Variants in GNPAT observed in about 807,000 individuals in gnomAD.
The protein encoded by GNPAT is glyceronephosphate O-acyltransferase, also known as dihydroxyacetone phosphate acyltransferase.
GNPAT carries 30 observed loss-of-function variants against 78.4 expected under a neutral mutation model. That is an observed-to-expected ratio of 0.38 (90% confidence interval 0.29 to 0.52). The LOEUF is 0.52. GNPAT is among the 20% of genes least tolerant of loss of function. GNPAT has a pLI of 0.84. For synonymous variants in GNPAT, 271 were observed against 281.1 expected (o/e 0.96, Z 0.36); for missense variants, 714 against 812.2 (o/e 0.88, Z 1.47).
Position 231,270,842 on chromosome 1 carries a change from T to C in GNPAT, c.1364T>C (p.Leu455Pro), listed in dbSNP as rs1685542633. 1 of 1,614,176 alleles carries C rather than the reference T, an allele frequency of 6.2e-7. No homozygotes were observed. The highest frequency in any genetic ancestry group is 8.5e-7 in the Non-Finnish European group (1 of 1,179,994). Residue 455 changes from leucine (L) to proline (P), a missense_variant, in exon 10 of 16, where the codon CTG becomes CCG. Leu to Pro is a moderately conservative substitution (Grantham distance 98). Coordinates refer to ENST00000366647, the MANE Select transcript of GNPAT (RefSeq NM_014236.4). ...AGCCTTGTCAAAGACCAGGTGATTC[T>C]GAAAGTGGACTCCGGAGACTCGGAA... The part of the protein sequence containing the change: ...IASLVKDQVI[L>P]KVDSGDSEVV...
intron 9 of GNPAT, among the ~76,000 whole-genome samples, chr1:231,268,960 A>T (rs1043190115): frequency 4.0e-5 from 6 of 151,566 alleles, no homozygotes; most frequent in African/African-American, 1.5e-4. Context: ...TTTTTTAAAG[A>T]CCAGATAATT....
intron 12 of GNPAT, among the ~76,000 whole-genome samples, chr1:231,274,271 C>T (rs779251435): frequency 6.6e-6 from 1 of 152,178 alleles, no homozygotes; most frequent in Non-Finnish European, 1.5e-5. Flanking sequence ...TCATTACAGA[C>T]CCAAGAGGAC....
chr1:231,257,120 CA>C (rs1685088721), intron 2 of GNPAT, among the ~76,000 whole-genome samples: 1 of 152,294 alleles, frequency 6.6e-6, no homozygotes, highest in African/African-American at 2.4e-5. Context: ...TGCTCTGCTG[CA>C]GTCACGGAGA....
At chr1:231,268,433 G>A (rs1685453689) in intron 9 of GNPAT, among the ~76,000 whole-genome samples, 1 of 152,108 alleles carries the variant, frequency 6.6e-6, no homozygotes, top group African/African-American at 2.4e-5. Context: ...TGAATATCTT[G>A]AGGACTAGAA....
chr1:231,246,530 T>G (rs1402477465), intron 1 of GNPAT, among the ~76,000 whole-genome samples: 2 of 152,186 alleles, frequency 1.3e-5, no homozygotes, highest in Admixed American at 6.5e-5. Context: ...TCACTAGCAG[T>G]AGGGAGAGGC....
chr1:231,272,797 C>G (rs564989343), intron 11 of GNPAT, among the ~76,000 whole-genome samples: 1 of 152,126 alleles, frequency 6.6e-6, no homozygotes, highest in African/African-American at 2.4e-5. Flanking sequence ...GGTGAAACCC[C>G]GTCTGTACTA....
chr1:231,249,143 A>G (rs1313687245), intron 1 of GNPAT, among the ~76,000 whole-genome samples: 3 of 152,218 alleles, frequency 2.0e-5, no homozygotes, highest in East Asian at 3.8e-4. Flanking sequence ...GCTGCAGTCT[A>G]TAGAGCGCAA....
At chr1:231,273,184 G>C (rs2102825875) in intron 11 of GNPAT, among the ~76,000 whole-genome samples, 1 of 152,056 alleles carries the variant, frequency 6.6e-6, no homozygotes, top group South Asian at 2.1e-4. Context: ...GGCATGTTAG[G>C]TGTTTGTGTG....
chr1:231,242,111 C>T (rs778075709), intron 1 of GNPAT, among the ~76,000 whole-genome samples: 11 of 151,996 alleles, frequency 7.2e-5, no homozygotes, highest in Non-Finnish European at 1.3e-4. Context: ...TTTAACGGGT[C>T]TTTTTGGCTG....
rs1684591319 is a variant in GNPAT at position 231,241,280 on chromosome 1, C to T, written c.-99C>T. 2 of 1,396,596 alleles carry T rather than the reference C, an allele frequency of 1.4e-6. No homozygotes were observed. Among genetic ancestry groups the T allele is most frequent in the East Asian group, 2.3e-5 (1 of 43,802 alleles). The allele number at this position is 1,396,596 out of a possible 1,614,324, so 86.5% of individuals were successfully genotyped here. ...CTGCAGAGGGTGCCGCCGCCCTAGGCGAAGTAGGGCCGTCCTGAGCGAAAG... is the reference window on the plus strand; with the variant it reads ...CTGCAGAGGGTGCCGCCGCCCTAGGTGAAGTAGGGCCGTCCTGAGCGAAAG... On this transcript the variant is annotated 5_prime_UTR_variant, in exon 1 of 16. It introduces an in-frame stop codon into an upstream open reading frame of the 5' UTR. Transcript: ENST00000366647.
chr1:231,271,087 G>A lies in GNPAT; in HGVS notation c.1522+87G>A, dbSNP rs1476823879. 1.0e-5 allele frequency: 15 copies of A among 1,441,316 alleles called. No individual in the cohort carries two copies. In the East Asian group the frequency reaches 3.4e-4, roughly 33 times the overall value. The allele number at this position is 1,441,316 out of a possible 1,614,324, so 89.3% of individuals were successfully genotyped here. ...GGAGCCACATTTGAAGCCTTGTAAT[G>A]TTCAGCCTCACGCCGGTGAAGAGCA... On this transcript the variant is annotated intron_variant, in intron 10 of 15. Transcript: ENST00000366647.
At chr1:231,268,863 G>A (rs571401545) in intron 9 of GNPAT, among the ~76,000 whole-genome samples, 299 of 149,198 alleles carry the variant, frequency 2.0e-3, no homozygotes, top group Non-Finnish European at 3.6e-3. Flanking sequence ...CCAAGATTGC[G>A]CCACTGCACT....
intron 2 of GNPAT, among the ~76,000 whole-genome samples, chr1:231,254,445 A>AT (rs111365526): frequency 6.9e-4 from 101 of 145,636 alleles, no homozygotes; most frequent in South Asian, 1.1e-3. Context: ...ACAGTGAAAA[A>AT]TTTTTTTTTT....
intron 2 of GNPAT, among the ~76,000 whole-genome samples, chr1:231,257,751 G>C (rs1342451173): frequency 6.6e-6 from 1 of 152,016 alleles, no homozygotes; most frequent in Non-Finnish European, 1.5e-5. Context: ...TAGATTATTG[G>C]GGTTCAGACT....
At chr1:231,260,711 GAAAT>G (rs770939353) in intron 3 of GNPAT, 28 bp downstream of exon 3, 13 of 1,351,546 alleles carry the variant, frequency 9.6e-6, no homozygotes, top group South Asian at 7.3e-5. Context: ...AAAAAATAAA[GAAAT>G]AAAAGTCTCA....
In GNPAT at chr1:231,277,523, C is replaced by A; in HGVS notation, c.2024C>A (p.Pro675Gln). 1 of 1,591,676 alleles carries A rather than the reference C, an allele frequency of 6.3e-7. No individual in the cohort carries two copies. The highest frequency in any genetic ancestry group is 8.6e-7 in the Non-Finnish European group (1 of 1,159,460). Residue 675 changes from proline (P) to glutamine (Q), a missense_variant, in exon 16 of 16, where the codon CCA becomes CAA. Pro to Gln is a moderately conservative substitution (Grantham distance 76). Transcript: ENST00000366647. ...MLGCKTPIGK[P>Q]ATAKL ...GGTTGTAAGACACCAATAGGAAAAC[C>A]AGCCACTGCAAAACTTTAATAATCA...
intron 4 of GNPAT, among the ~76,000 whole-genome samples, chr1:231,263,640 AT>A (rs1010644999): frequency 1.3e-5 from 2 of 151,688 alleles, no homozygotes; most frequent in African/African-American, 4.8e-5. Context: ...TCTTGTGGTA[AT>A]TTTTTTTCAT....
chr1:231,269,078 T>C (rs1189978712), intron 9 of GNPAT, among the ~76,000 whole-genome samples: 2 of 137,796 alleles, frequency 1.5e-5, no homozygotes, highest in African/African-American at 5.3e-5. Flanking sequence ...ATCCCCATCC[T>C]GGACGTTCCC....
chr1:231,271,122 CTG>C, intron 10 of GNPAT, 122 bp downstream of exon 10: 2 of 1,186,560 alleles, frequency 1.7e-6, no homozygotes, highest in East Asian at 4.7e-5. Flanking sequence ...AGGCCTATCA[CTG>C]AGAAAAAGTT....
Sources: gnomAD v4.1 joint callset for allele counts (sites outside exome capture counted in the v4.1 genomes callset) on GRCh38, gnomAD v4.1.1 for gene constraint, MANE v1.5 for transcripts, NCBI Gene and HGNC (gene_info 2026-07-23, HGNC 2026-07-21) for gene names.